The following MCTP1 variants were observed in gnomAD, a reference collection of about 807,000 sequenced individuals.
MCTP1 encodes the protein multiple C2 and transmembrane domain containing 1, also known as multiple C2 and transmembrane domain-containing protein 1.
In MCTP1, 69 loss-of-function variants were observed where a neutral mutation model predicts 120.6. That is an observed-to-expected ratio of 0.57 (90% CI 0.47 to 0.70). The LOEUF (loss-of-function observed/expected upper bound fraction) is 0.70, where lower values mean the gene tolerates loss of function less well. MCTP1 is among the 30% of genes least tolerant of loss of function. MCTP1 has a pLI of 0.00. For synonymous variants in MCTP1, 529 were observed against 493.1 expected (o/e 1.07, Z -0.96); for missense variants, 1,203 against 1,248.8 (o/e 0.96, Z 0.55).
At chr5:94,900,830 T>A (rs1454069589) in intron 10 of MCTP1, among the ~76,000 whole-genome samples, 1 of 152,202 alleles carries the variant, frequency 6.6e-6, no homozygotes, top group Non-Finnish European at 1.5e-5. Flanking sequence ...GAATGGAAAT[T>A]TTTAAAAAAA....
intron 1 of MCTP1, among the ~76,000 whole-genome samples, chr5:95,033,821 CTAAAGATTCTGGCAAAAGGTTCCT>C (rs941529951): frequency 6.6e-6 from 1 of 152,018 alleles, no homozygotes; most frequent in Non-Finnish European, 1.5e-5. Context: ...CTAGAAAGCC[CTAAAGATTCTGGCAAAAGGTTCCT>C]AGACCTGATA....
chr5:95,260,991 A>G (rs1039249060), intron 1 of MCTP1, among the ~76,000 whole-genome samples: 4 of 152,216 alleles, frequency 2.6e-5, no homozygotes, highest in African/African-American at 9.7e-5. Context: ...CCTTTTTAAA[A>G]AGTTAAAATA....
chr5:95,080,103 C>A (rs1279600052), intron 1 of MCTP1, among the ~76,000 whole-genome samples: 2 of 152,142 alleles, frequency 1.3e-5, no homozygotes, highest in African/African-American at 4.8e-5. Context: ...TTGCTAACCA[C>A]TTTCAACAAA....
At chr5:94,825,688 G>A (rs572764257) in intron 17 of MCTP1, among the ~76,000 whole-genome samples, 3 of 151,798 alleles carry the variant, frequency 2.0e-5, no homozygotes, top group African/African-American at 7.3e-5. Flanking sequence ...TCTCTTTGTA[G>A]GTCTCTAAGA....
chr5:95,087,847 T>C (rs1755549712), intron 1 of MCTP1, among the ~76,000 whole-genome samples: 1 of 152,038 alleles, frequency 6.6e-6, no homozygotes, highest in Admixed American at 6.5e-5. Context: ...CTGACACAAA[T>C]ATGGGATCCT....
At chr5:94,760,373 C>A (rs1201753093) in intron 19 of MCTP1, among the ~76,000 whole-genome samples, 1 of 152,186 alleles carries the variant, frequency 6.6e-6, no homozygotes, top group African/African-American at 2.4e-5. Flanking sequence ...GGTAGCTATT[C>A]TGTTGGATAA....
intron 1 of MCTP1, among the ~76,000 whole-genome samples, chr5:95,202,180 A>G (rs969629267): frequency 6.6e-6 from 1 of 152,124 alleles, no homozygotes; most frequent in Non-Finnish European, 1.5e-5. Context: ...GGCAGAAAAG[A>G]GGCCATTTCT....
intron 18 of MCTP1, among the ~76,000 whole-genome samples, chr5:94,788,556 C>G (rs1329746381): frequency 6.6e-6 from 1 of 152,160 alleles, no homozygotes; most frequent in Non-Finnish European, 1.5e-5. Context: ...ATGAAACTCT[C>G]TGCTACCATC....
chr5:94,784,897 T>C (rs904880741), intron 18 of MCTP1: 1 of 152,114 alleles, frequency 6.6e-6, no homozygotes, highest in Admixed American at 6.5e-5. Flanking sequence ...ATGCATTTCC[T>C]TGGCTCATTC....
At chr5:95,165,715 T>C (rs1223624658) in intron 1 of MCTP1, among the ~76,000 whole-genome samples, 1 of 152,196 alleles carries the variant, frequency 6.6e-6, no homozygotes, top group Admixed American at 6.5e-5. Flanking sequence ...ATACACATTA[T>C]CTTAATCTGT....
rs755753636 is a variant in MCTP1, at chr5:94,870,490, A to G, written c.2243T>C (p.Val748Ala). The G allele has an allele frequency of 1.3e-6, 2 of 1,599,478 alleles. No individual in the cohort carries two copies. Among genetic ancestry groups the G allele is most frequent in the Non-Finnish European group, 1.7e-6 (2 of 1,166,770 alleles). ...YLEIDVIFNA[V>A]KASLRTLIPK... ...TATTAATGTTCGTAAGCTGGCTTTC[A>G]CCTATACATCAACATATGTGTCTGT... Residue 748 changes from valine (V) to alanine (A), a missense_variant and splice_region_variant, in exon 16 of 23, where the codon GTG becomes GCG. This residue lies in a region of MCTP1 where 740 missense variants were observed against 871.1 expected (regional missense o/e 0.85). Transcript: ENST00000515393.
chr5:94,744,893 A>T (rs1168989962), intron 19 of MCTP1, among the ~76,000 whole-genome samples: 1 of 151,924 alleles, frequency 6.6e-6, no homozygotes, highest in Non-Finnish European at 1.5e-5. Context: ...CCCAAAATAC[A>T]GTAAGGGGCT....
chr5:95,124,584 G>A (rs1758482418), intron 1 of MCTP1, among the ~76,000 whole-genome samples: 1 of 152,198 alleles, frequency 6.6e-6, no homozygotes, highest in Admixed American at 6.5e-5. Flanking sequence ...AAATGACCCT[G>A]AAGTACAGTA....
At chr5:94,750,714 A>G (rs1345595991) in intron 19 of MCTP1, among the ~76,000 whole-genome samples, 1 of 152,222 alleles carries the variant, frequency 6.6e-6, no homozygotes, top group African/African-American at 2.4e-5. Context: ...GCAAGAAAAA[A>G]GCATTGTGGT....
chr5:94,795,517 C>A lies in MCTP1; in HGVS notation c.2556+3496G>T, dbSNP rs192095886. ...GGATAGTTGGTACAAGCCTAATAGG[C>A]AATGCCGGTGAGAATTTTTCCCAGG... On this transcript the variant is annotated intron_variant, in intron 18 of 22. Coordinates refer to ENST00000515393, the MANE Select transcript of MCTP1 (RefSeq NM_024717.7). Among the ~76,000 whole-genome samples the A allele has an allele frequency of 1.4e-3, 206 of 152,314 alleles. 2 individuals carry two copies. The highest frequency in any genetic ancestry group is 1.5e-3 in the Non-Finnish European group (104 of 68,032).
At chr5:95,184,517 G>A (rs1001423293) in intron 1 of MCTP1, among the ~76,000 whole-genome samples, 8 of 152,112 alleles carry the variant, frequency 5.3e-5, no homozygotes, top group Non-Finnish European at 1.2e-4. Context: ...TCATTCCCGG[G>A]TGTAGGGCAA....
chr5:94,896,074 C>A (rs374947803), intron 10 of MCTP1, among the ~76,000 whole-genome samples: 2 of 152,142 alleles, frequency 1.3e-5, no homozygotes, highest in African/African-American at 4.8e-5. Flanking sequence ...CATGCTGTCT[C>A]CTCAAACTCT....
chr5:95,253,101 T>C (rs920286624), intron 1 of MCTP1, among the ~76,000 whole-genome samples: 2 of 152,104 alleles, frequency 1.3e-5, no homozygotes, highest in Non-Finnish European at 2.9e-5. Flanking sequence ...ACTTGGTATG[T>C]TGGAAAATGA....
intron 1 of MCTP1, among the ~76,000 whole-genome samples, chr5:95,185,773 G>T (rs2152522925): frequency 6.6e-6 from 1 of 151,396 alleles, no homozygotes; most frequent in Non-Finnish European, 1.5e-5. Flanking sequence ...TGAGGCAGTT[G>T]GATCACAAGG....
Sources: gnomAD v4.1 joint callset for allele counts (sites outside exome capture counted in the v4.1 genomes callset) on GRCh38, gnomAD v4.1.1 for gene constraint, gnomAD v4.1.1 regional missense constraint, MANE v1.5 for transcripts, NCBI Gene and HGNC (gene_info 2026-07-23, HGNC 2026-07-21) for gene names.